The following FANCC variants were observed in gnomAD, a reference collection of about 807,000 sequenced individuals.
FANCC encodes the protein Fanconi anemia group C protein.
In FANCC, 55 loss-of-function variants were observed where a neutral mutation model predicts 71.3. The ratio of observed to expected loss-of-function variants is 0.77; its 90% CI spans 0.62 to 0.97. The LOEUF (loss-of-function observed/expected upper bound fraction) is 0.97, where lower values mean the gene tolerates loss of function less well. FANCC is among the 50% of genes least tolerant of loss of function. FANCC has a pLI of 0.00. For synonymous variants in FANCC, 275 were observed against 244.9 expected (o/e 1.12, Z -1.15); for missense variants, 678 against 670.9 (o/e 1.01, Z -0.12).
At chr9:95,111,365 G>A (rs1429306334) in intron 13 of FANCC, 98 bp downstream of exon 13, 2 of 1,597,828 alleles carry the variant, frequency 1.3e-6, no homozygotes, top group Non-Finnish European at 1.7e-6. Context: ...GAGCTCAGGT[G>A]TCATGGAAGC....
intron 1 of FANCC, among the ~76,000 whole-genome samples, chr9:95,267,187 A>T (rs1334953009): frequency 6.6e-6 from 1 of 152,148 alleles, no homozygotes; most frequent in Non-Finnish European, 1.5e-5. Context: ...CAAACGACAG[A>T]GTGAGAAACT....
intron 13 of FANCC, chr9:95,110,243 AT>A: frequency 9.9e-7 from 1 of 1,005,622 alleles, no homozygotes; most frequent in Non-Finnish European, 1.2e-6. Flanking sequence ...TTATTGAATA[AT>A]TTATTTCTTT....
chr9:95,305,087 T>G (rs1177404244), intron 1 of FANCC, among the ~76,000 whole-genome samples: 1 of 152,190 alleles, frequency 6.6e-6, no homozygotes, highest in Non-Finnish European at 1.5e-5. Context: ...ATTGCTCTAT[T>G]ATCCAATTTA....
chr9:95,129,325 T>C (rs1160457217), intron 8 of FANCC, among the ~76,000 whole-genome samples: 2 of 152,198 alleles, frequency 1.3e-5, no homozygotes, highest in African/African-American at 2.4e-5. Flanking sequence ...CCCAGCGACA[T>C]CAAATCACAA....
At position 95,186,790 on chromosome 9, in the gene FANCC, A is replaced by ATTTAT. The variant is rs369552248; in HGVS notation, c.346-14644_346-14643insATAAA. 1.9e-3 allele frequency among the ~76,000 whole-genome samples: 261 copies of ATTTAT among 134,970 alleles called. 1 individual carries two copies. The highest frequency in any genetic ancestry group is 6.8e-3 in the African/African-American group (244 of 36,116). 88.5% of individuals were successfully genotyped at this position (134,970 alleles called of 152,430 possible). On this transcript the variant is annotated intron_variant, in intron 4 of 14. Coordinates refer to ENST00000289081, the MANE Select transcript of FANCC (RefSeq NM_000136.3). ...GAGACTGCTGCGCTCGGACTGTTGG[A>ATTTAT]TTTTTTTTTTTTTTTTTTTGAGAAA... is the stretch of plus-strand genomic sequence containing the variant.
chr9:95,177,207 T>C (rs1265654191), intron 4 of FANCC, among the ~76,000 whole-genome samples: 1 of 152,212 alleles, frequency 6.6e-6, no homozygotes, highest in Non-Finnish European at 1.5e-5. Flanking sequence ...GCTCCTGGGC[T>C]ACAAACCTGT....
rs908087796 is a variant in FANCC at position 95,261,816 on chromosome 9, G to A, written c.-78-12447C>T. On this transcript the variant is annotated intron_variant, in intron 1 of 14. Coordinates refer to ENST00000289081, the MANE Select transcript of FANCC (RefSeq NM_000136.3). ...TGCAGACGCTGGAACAGAAGGCAGT[G>A]TCCAGTGAAGGACCCACACATGCTT... 7.2e-5 allele frequency among the ~76,000 whole-genome samples: 11 copies of A among 152,328 alleles called. No homozygotes were observed. The East Asian group carries it at 1.9e-3, about 27-fold the overall frequency.
chr9:95,211,634 C>T (rs1205361445), intron 4 of FANCC, among the ~76,000 whole-genome samples: 3 of 152,064 alleles, frequency 2.0e-5, no homozygotes, highest in African/African-American at 7.2e-5. Flanking sequence ...AAGAAGACAA[C>T]ATAATCAACA....
intron 1 of FANCC, among the ~76,000 whole-genome samples, chr9:95,283,173 C>T (rs915540272): frequency 6.6e-6 from 1 of 152,194 alleles, no homozygotes; most frequent in African/African-American, 2.4e-5. Flanking sequence ...GCCTCAAACT[C>T]GTGGGCTCAA....
intron 13 of FANCC, chr9:95,109,506 TA>T (rs1204003397): frequency 6.6e-6 from 1 of 152,178 alleles, no homozygotes; most frequent in Non-Finnish European, 1.5e-5. Context: ...TAAGGGTATC[TA>T]AACGACTTTT....
chr9:95,205,660 A>G (rs1828079111), intron 4 of FANCC, among the ~76,000 whole-genome samples: 1 of 152,182 alleles, frequency 6.6e-6, no homozygotes, highest in Admixed American at 6.5e-5. Context: ...TCCCGAGAGA[A>G]ACTAACCAAG....
chr9:95,194,623 GTTTA>G (rs1254606042), intron 4 of FANCC, among the ~76,000 whole-genome samples: 1 of 151,454 alleles, frequency 6.6e-6, no homozygotes, highest in Non-Finnish European at 1.5e-5. Flanking sequence ...CTTGTCATGT[GTTTA>G]TTTGCCATTT....
chr9:95,163,599 C>T (rs1346689401), intron 6 of FANCC, among the ~76,000 whole-genome samples: 3 of 152,168 alleles, frequency 2.0e-5, no homozygotes, highest in Non-Finnish European at 2.9e-5. Flanking sequence ...CCTGTAATCC[C>T]AGAACTTTGG....
intron 6 of FANCC, among the ~76,000 whole-genome samples, chr9:95,160,890 C>T (rs946512138): frequency 1.3e-5 from 2 of 152,140 alleles, no homozygotes; most frequent in Non-Finnish European, 2.9e-5. Flanking sequence ...TATCCTGAGA[C>T]TTTGCTGAAG....
At chr9:95,219,419 G>C (rs1245112432) in intron 4 of FANCC, among the ~76,000 whole-genome samples, 1 of 152,088 alleles carries the variant, frequency 6.6e-6, no homozygotes, top group East Asian at 1.9e-4. Context: ...AACTACTGAA[G>C]GTCTTTCCCC....
At chr9:95,256,276 T>C (rs1317404204) in intron 1 of FANCC, among the ~76,000 whole-genome samples, 1 of 152,130 alleles carries the variant, frequency 6.6e-6, no homozygotes, top group Non-Finnish European at 1.5e-5. Context: ...GAAAAAATGT[T>C]AAGGGCAGTC....
At chr9:95,190,741 G>A (rs1035367678) in intron 4 of FANCC, among the ~76,000 whole-genome samples, 7 of 152,204 alleles carry the variant, frequency 4.6e-5, no homozygotes, top group Admixed American at 1.3e-4. Flanking sequence ...TACACCGCAT[G>A]CTACACATTT....
intron 6 of FANCC, among the ~76,000 whole-genome samples, 186 bp downstream of exon 6, chr9:95,170,893 A>C (rs1367414235): frequency 6.6e-6 from 1 of 152,158 alleles, no homozygotes; most frequent in Non-Finnish European, 1.5e-5. Flanking sequence ...AGTTGAGAAA[A>C]TAGTGATTTT....
chr9:95,105,809 T>A (rs2071398737), intron 14 of FANCC, among the ~76,000 whole-genome samples: 1 of 152,256 alleles, frequency 6.6e-6, no homozygotes, highest in Non-Finnish European at 1.5e-5. Flanking sequence ...TCAGAACCTC[T>A]TTCCATCTTC....
Sources: gnomAD v4.1 joint callset for allele counts (sites outside exome capture counted in the v4.1 genomes callset) on GRCh38, gnomAD v4.1.1 for gene constraint, MANE v1.5 for transcripts, NCBI Gene and HGNC (gene_info 2026-07-23, HGNC 2026-07-21) for gene names.